The following WDFY1 variants were observed in gnomAD, a reference collection of about 807,000 sequenced individuals.
The protein encoded by WDFY1 is WD repeat and FYVE domain containing 1.
In WDFY1, 32 loss-of-function variants were observed where a neutral mutation model predicts 56.4. The ratio of observed to expected loss-of-function variants is 0.57; its 90% CI spans 0.43 to 0.76. The LOEUF (loss-of-function observed/expected upper bound fraction) is 0.76, where lower values mean the gene tolerates loss of function less well. WDFY1 is among the 30% of genes least tolerant of loss of function. WDFY1 has a pLI of 0.00. For synonymous variants in WDFY1, 192 were observed against 197.3 expected (o/e 0.97, Z 0.23); for missense variants, 480 against 545.7 (o/e 0.88, Z 1.20).
chr2:223,924,536 G>C (rs181194400), intron 1 of WDFY1, among the ~76,000 whole-genome samples: 34 of 152,182 alleles, frequency 2.2e-4, no homozygotes, highest in Middle Eastern at 6.8e-3. Flanking sequence ...GCTAATTTTT[G>C]TATTTTTAGT....
chr2:223,908,548 G>A (rs591299), intron 3 of WDFY1, among the ~76,000 whole-genome samples: 133,400 of 152,154 alleles, frequency 0.88, 59,021 homozygotes, highest in Non-Finnish European at 0.95. Context: ...CATTCTTCCT[G>A]TCTCTCCTTT....
intron 8 of WDFY1, among the ~76,000 whole-genome samples, chr2:223,886,541 G>A (rs1432600426): frequency 6.6e-6 from 1 of 151,690 alleles, no homozygotes; most frequent in South Asian, 2.1e-4. Flanking sequence ...CTTGGCCAAT[G>A]TAGTGAAACC....
At chr2:223,902,060 T>C (rs1156488899) in intron 4 of WDFY1, among the ~76,000 whole-genome samples, 1 of 152,232 alleles carries the variant, frequency 6.6e-6, no homozygotes, top group African/African-American at 2.4e-5. Flanking sequence ...AGATGTTTAA[T>C]AAGCATCCAG....
intron 2 of WDFY1, among the ~76,000 whole-genome samples, chr2:223,913,739 C>A (rs1321166424): frequency 1.3e-5 from 2 of 151,978 alleles, no homozygotes; most frequent in Admixed American, 1.3e-4. Flanking sequence ...AACCCTATAA[C>A]AAACAACATA....
chr2:223,893,683 T>A (rs1390182651), intron 8 of WDFY1, among the ~76,000 whole-genome samples: 1 of 152,154 alleles, frequency 6.6e-6, no homozygotes, highest in Non-Finnish European at 1.5e-5. Context: ...CCAAATAAGG[T>A]CTCACAACTA....
At chr2:223,937,666 A>T (rs1242908898) in intron 1 of WDFY1, among the ~76,000 whole-genome samples, 1 of 152,234 alleles carries the variant, frequency 6.6e-6, no homozygotes, top group Non-Finnish European at 1.5e-5. Context: ...TTTGTTCTTA[A>T]CTATGCTATA....
At chr2:223,928,842 C>A (rs1164576793) in intron 1 of WDFY1, among the ~76,000 whole-genome samples, 2 of 152,226 alleles carry the variant, frequency 1.3e-5, no homozygotes, top group African/African-American at 4.8e-5. Flanking sequence ...GATTCTGGAG[C>A]ACCATCTGCC....
In WDFY1 at chr2:223,893,983, C is replaced by T. The variant is rs1465023200; in HGVS notation, c.831+251G>A. On this transcript the variant is annotated intron_variant, in intron 8 of 11. Transcript: ENST00000233055. ...CTCAAAGTGTTATCTCAGTGTATTGCTCAAGGCTGAGAACCAGCCTAAACG... is the reference window on the plus strand; with the variant it reads ...CTCAAAGTGTTATCTCAGTGTATTGTTCAAGGCTGAGAACCAGCCTAAACG... Among the ~76,000 whole-genome samples, 7 of 152,346 alleles carry T rather than the reference C, an allele frequency of 4.6e-5. No homozygotes were observed. In the South Asian group the frequency reaches 6.2e-4, roughly 14 times the overall value.
At chr2:223,926,319 T>C (rs1472213692) in intron 1 of WDFY1, among the ~76,000 whole-genome samples, 1 of 152,168 alleles carries the variant, frequency 6.6e-6, no homozygotes, top group African/African-American at 2.4e-5. Flanking sequence ...GCTAACTTTT[T>C]TAAGGCTTTT....
intron 8 of WDFY1, 24 bp from the exon 9 acceptor site, chr2:223,884,773 C>T: frequency 6.2e-7 from 1 of 1,603,294 alleles, no homozygotes; most frequent in Non-Finnish European, 8.5e-7. Context: ...AAGTCAAAGC[C>T]ACCATCAGTG....
intron 4 of WDFY1, 25 bp from the exon 5 acceptor site, chr2:223,901,358 A>G (rs1372852732): frequency 6.2e-7 from 1 of 1,613,260 alleles, no homozygotes; most frequent in East Asian, 2.2e-5. Context: ...AGGTGAACAG[A>G]TGTCATCTCC....
intron 8 of WDFY1, 104 bp downstream of exon 8, chr2:223,894,130 C>T: frequency 9.0e-7 from 1 of 1,109,808 alleles, no homozygotes; most frequent in South Asian, 1.4e-5. Flanking sequence ...CTGGGACTGT[C>T]TGCACCTGGA....
chr2:223,937,470 T>C lies in WDFY1; in HGVS notation c.137+7678A>G, dbSNP rs201460917. 1.1e-4 allele frequency among the ~76,000 whole-genome samples: 17 copies of C among 152,280 alleles called. No homozygotes were observed. In the East Asian group the frequency reaches 2.7e-3, roughly 24 times the overall value. Reference sequence around the variant, plus strand: ...ATAACAACTAACACTTGCATAATGTTTTCTCTGTGCTAGGCACTGTTCCAC... The same window carrying C: ...ATAACAACTAACACTTGCATAATGTCTTCTCTGTGCTAGGCACTGTTCCAC... On this transcript the variant is annotated intron_variant, in intron 1 of 11. Transcript: ENST00000233055.
At chr2:223,915,435 C>T (rs542948220) in intron 2 of WDFY1, among the ~76,000 whole-genome samples, 29 of 152,288 alleles carry the variant, frequency 1.9e-4, no homozygotes, top group Middle Eastern at 3.4e-3. Context: ...TTTTGGTGTC[C>T]TGGGAGAGAA....
At chr2:223,919,187 G>A (rs765790184) in intron 1 of WDFY1, among the ~76,000 whole-genome samples, 2 of 152,056 alleles carry the variant, frequency 1.3e-5, no homozygotes, top group East Asian at 1.9e-4. Context: ...CTGCCAACTC[G>A]GTGACAATCA....
chr2:223,944,386 C>T (rs983965977), intron 1 of WDFY1, among the ~76,000 whole-genome samples: 2 of 152,280 alleles, frequency 1.3e-5, no homozygotes, highest in Non-Finnish European at 2.9e-5. Context: ...GACGAAGGTC[C>T]CAGGCTAGTG....
chr2:223,928,622 C>T (rs1401011468), intron 1 of WDFY1, among the ~76,000 whole-genome samples: 1 of 152,190 alleles, frequency 6.6e-6, no homozygotes, highest in Non-Finnish European at 1.5e-5. Flanking sequence ...TTAAAATGTT[C>T]CACTCCCTAA....
intron 1 of WDFY1, among the ~76,000 whole-genome samples, chr2:223,939,695 A>T (rs779343325): frequency 1.3e-5 from 2 of 152,158 alleles, no homozygotes; most frequent in Non-Finnish European, 2.9e-5. Context: ...AGTATGGGGG[A>T]AACTGCCCTC....
At chr2:223,898,859 A>T in intron 6 of WDFY1, 99 bp downstream of exon 6, 1 of 891,758 alleles carries the variant, frequency 1.1e-6, no homozygotes, top group South Asian at 1.5e-5. Flanking sequence ...AATCTGACAG[A>T]TCATGAGGAA....
Sources: gnomAD v4.1 joint callset for allele counts (sites outside exome capture counted in the v4.1 genomes callset) on GRCh38, gnomAD v4.1.1 for gene constraint, MANE v1.5 for transcripts, NCBI Gene and HGNC (gene_info 2026-07-23, HGNC 2026-07-21) for gene names.